Variants in INTS8 observed in about 807,000 individuals in gnomAD.
The protein encoded by INTS8 is integrator complex subunit 8.
Under a neutral mutation model 138.9 loss-of-function variants are expected in INTS8, and 47 were observed. The ratio of observed to expected loss-of-function variants is 0.34; its 90% CI spans 0.27 to 0.43. The LOEUF is 0.43. Among genes scored for constraint, INTS8 ranks in the 20% least tolerant of loss-of-function variants. The pLI is 1.00. For missense variants in INTS8, 996 were observed against 1,173.0 expected, an observed-to-expected ratio of 0.85 and a Z score of 2.20; for synonymous variants, 392 against 400.9, an observed-to-expected ratio of 0.98 and a Z score of 0.27.
At position 94,876,069 on chromosome 8, in the gene INTS8, T is replaced by C; in HGVS notation, c.2689-5T>C. Reference sequence around the variant, plus strand: ...GAAACCATTTTCAAATCTTTGTTAATGTAGGTGGCCATTTTATGTCAGTTC... The same window carrying C: ...GAAACCATTTTCAAATCTTTGTTAACGTAGGTGGCCATTTTATGTCAGTTC... On this transcript the variant is annotated splice_polypyrimidine_tract_variant and splice_region_variant and intron_variant, in intron 23 of 26. Coordinates refer to ENST00000523731, the MANE Select transcript of INTS8 (RefSeq NM_017864.4). 6.3e-7 allele frequency: 1 copy of C among 1,581,188 alleles called. No homozygotes were observed. The highest frequency in any genetic ancestry group is 1.3e-5 in the African/African-American group (1 of 74,570).
chr8:94,836,139 C>T (rs1290809509), intron 6 of INTS8, among the ~76,000 whole-genome samples: 1 of 152,136 alleles, frequency 6.6e-6, no homozygotes, highest in African/African-American at 2.4e-5. Context: ...AGGAGTGTAG[C>T]TGCTGCTTTC....
chr8:94,834,369 G>C (rs1470048035), intron 6 of INTS8, among the ~76,000 whole-genome samples: 3 of 147,628 alleles, frequency 2.0e-5, no homozygotes, highest in African/African-American at 7.4e-5. Flanking sequence ...ATGGGTGTGT[G>C]TGTGTGTGTG....
At chr8:94,871,674 A>T (rs554184969) in intron 20 of INTS8, among the ~76,000 whole-genome samples, 1 of 152,370 alleles carries the variant, frequency 6.6e-6, no homozygotes, top group East Asian at 1.9e-4. Context: ...AACAAAAATC[A>T]GATTGTTTTC....
In INTS8 at chr8:94,832,094, A is replaced by G. The variant is rs1181682238; in HGVS notation, c.673A>G (p.Met225Val). The G allele has an allele frequency of 2.5e-6, 4 of 1,613,976 alleles. No homozygotes were observed. Among genetic ancestry groups the G allele is most frequent in the Middle Eastern group, 1.7e-4 (1 of 6,058 alleles). The change falls in exon 6 of 27, where the codon ATG becomes GTG. Residue 225 changes from methionine (M) to valine (V), a missense_variant. Coordinates refer to ENST00000523731, the MANE Select transcript of INTS8 (RefSeq NM_017864.4). ...HTMRTLDLLA[M>V]EPGMVNGETE... ...GATGAGAACTCTAGATTTATTGGCC[A>G]TGGAACCAGGCATGGTAAATGGAGA...
chr8:94,839,250 CTT>C (rs1433701057), intron 8 of INTS8, among the ~76,000 whole-genome samples: 1 of 152,210 alleles, frequency 6.6e-6, no homozygotes, highest in Non-Finnish European at 1.5e-5. Flanking sequence ...TCTCTTGAGA[CTT>C]TTATTGTGCG....
chr8:94,844,752 CTTTT>C (rs966738887), intron 10 of INTS8, among the ~76,000 whole-genome samples: 1 of 136,484 alleles, frequency 7.3e-6, no homozygotes, highest in African/African-American at 2.7e-5. Context: ...TTTAGTTTTT[CTTTT>C]TTTTTTTTTT....
At chr8:94,876,630 C>T (rs1035527546) in intron 26 of INTS8, 141 bp downstream of exon 26, 5 of 534,102 alleles carry the variant, frequency 9.4e-6, no homozygotes, top group Non-Finnish European at 1.3e-5. Context: ...TATAAAAGAT[C>T]CTTTTTTGAT....
chr8:94,856,665 C>T, intron 14 of INTS8, 112 bp from the exon 15 acceptor site: 1 of 831,810 alleles, frequency 1.2e-6, no homozygotes, highest in Non-Finnish European at 2.0e-6. Flanking sequence ...CTGAGAAAAG[C>T]AACGTTAACC....
intron 20 of INTS8, among the ~76,000 whole-genome samples, chr8:94,871,114 A>G (rs934099521): frequency 1.3e-5 from 2 of 152,158 alleles, no homozygotes; most frequent in African/African-American, 4.8e-5. Flanking sequence ...CCACAAGGCA[A>G]CATTGTCAGT....
At chr8:94,827,435 G>A (rs1164503350) in intron 3 of INTS8, 32 bp downstream of exon 3, 14 of 1,609,254 alleles carry the variant, frequency 8.7e-6, no homozygotes, top group African/African-American at 2.7e-5. Context: ...GAAGGCGTTG[G>A]GCAACCTCTG....
At chr8:94,850,113 C>G (rs375106212) in intron 12 of INTS8, 22 bp downstream of exon 12, 13 of 1,538,846 alleles carry the variant, frequency 8.4e-6, no homozygotes, top group African/African-American at 1.4e-5. Context: ...AGTCGGCCAG[C>G]CAAAATGTTG....
At chr8:94,838,863 A>G (rs565308756) in intron 8 of INTS8, among the ~76,000 whole-genome samples, 13 of 152,240 alleles carry the variant, frequency 8.5e-5, no homozygotes, top group Non-Finnish European at 1.6e-4. Flanking sequence ...CATTGCTGTT[A>G]TCTTAAAGGT....
At chr8:94,862,942 T>C (rs1816047133) in intron 16 of INTS8, among the ~76,000 whole-genome samples, 1 of 152,234 alleles carries the variant, frequency 6.6e-6, no homozygotes, top group Non-Finnish European at 1.5e-5. Context: ...TTGGTGATTT[T>C]AATGTTTTCT....
chr8:94,844,788 C>CT (rs572289635), intron 10 of INTS8, among the ~76,000 whole-genome samples: 2 of 146,236 alleles, frequency 1.4e-5, no homozygotes, highest in South Asian at 4.3e-4. Context: ...GGGTCTCACT[C>CT]TATCACCCAG....
rs183978527 is a variant in INTS8 at position 94,844,100 on chromosome 8, G to A, written c.1260+1612G>A. 2.6e-3 allele frequency among the ~76,000 whole-genome samples: 396 copies of A among 150,720 alleles called. 3 individuals are homozygous for A. The highest frequency in any genetic ancestry group is 8.4e-3 in the African/African-American group (344 of 40,972). ...CCTGGCCAGGCTTTAGTGCAGTGGCGTGATCTCGGCTCACTGCAACCTCCG... is the reference window on the plus strand; with the variant it reads ...CCTGGCCAGGCTTTAGTGCAGTGGCATGATCTCGGCTCACTGCAACCTCCG... On this transcript the variant is annotated intron_variant, in intron 10 of 26. Transcript: ENST00000523731.
rs577434527 is a variant in INTS8, at chr8:94,849,104, A to T, written c.1261-358A>T. Reference sequence around the variant, plus strand: ...CAATTATTTTCTTTTTGGTTTTAAAAATTTTTTATTTTTTTAACTCTTTTC... The same window carrying T: ...CAATTATTTTCTTTTTGGTTTTAAATATTTTTTATTTTTTTAACTCTTTTC... On this transcript the variant is annotated intron_variant, in intron 10 of 26. Coordinates refer to ENST00000523731, the MANE Select transcript of INTS8 (RefSeq NM_017864.4). 1.9e-3 allele frequency among the ~76,000 whole-genome samples: 292 copies of T among 152,132 alleles called. 1 individual carries two copies. Among genetic ancestry groups the T allele is most frequent in the African/African-American group, 6.9e-3 (285 of 41,544 alleles).
intron 20 of INTS8, among the ~76,000 whole-genome samples, chr8:94,871,441 G>A (rs993844623): frequency 5.9e-5 from 9 of 151,414 alleles, no homozygotes; most frequent in Admixed American, 6.6e-5. Flanking sequence ...TCGTGCCACC[G>A]CACTCCAACC....
intron 18 of INTS8, chr8:94,866,638 A>G (rs571209629): frequency 1.6e-4 from 27 of 173,424 alleles, no homozygotes; most frequent in African/African-American, 5.7e-4. Flanking sequence ...AGTGATCATT[A>G]TTGGTGGGTG....
chr8:94,841,349 T>A, intron 8 of INTS8, 142 bp from the exon 9 acceptor site: 1 of 476,426 alleles, frequency 2.1e-6, no homozygotes, highest in Non-Finnish European at 3.7e-6. Context: ...ATTTTAGAAT[T>A]TTAGGAAGAA....
Sources: allele counts gnomAD v4.1 joint callset (sites outside exome capture counted in the v4.1 genomes callset), GRCh38; gene constraint gnomAD v4.1.1; transcripts MANE v1.5; gene names NCBI Gene and HGNC (gene_info 2026-07-23, HGNC 2026-07-21).